Variants in MACROD2 observed in about 807,000 individuals in gnomAD.
The protein encoded by MACROD2 is ADP-ribose glycohydrolase MACROD2.
A neutral mutation model predicts 70.4 loss-of-function variants in MACROD2; 36 were observed. That is an observed-to-expected ratio of 0.51 (90% CI 0.39 to 0.68). The LOEUF (loss-of-function observed/expected upper bound fraction) is 0.68. Ranked by LOEUF, MACROD2 falls within the 30% of genes least tolerant of loss-of-function variation. The probability of loss-of-function intolerance (pLI) is 0.00; values close to 1 mark genes in which losing one functional copy is unlikely to be tolerated. For missense variants in MACROD2, 496 were observed against 538.4 expected, an observed-to-expected ratio of 0.92 and a Z score of 0.78; for synonymous variants, 172 against 178.8, an observed-to-expected ratio of 0.96 and a Z score of 0.30.
chr20:14,233,589 C>T lies in MACROD2; in HGVS notation c.271+147861C>T, dbSNP rs556761109. Among the ~76,000 whole-genome samples the T allele has an allele frequency of 7.4e-5, 11 of 149,138 alleles. No individual in the cohort carries two copies. In the South Asian group the frequency reaches 8.6e-4, roughly 12 times the overall value. ...GCGGGTGCCTGTAGTCCCAGCTACT[C>T]GGGAGGCTGAGGCAGGAGAATGGCC... is the stretch of plus-strand genomic sequence containing the variant. On this transcript the variant is annotated intron_variant, in intron 3 of 17. Coordinates refer to ENST00000684519, the MANE Select transcript of MACROD2 (RefSeq NM_001351661.2).
intron 3 of MACROD2, among the ~76,000 whole-genome samples, chr20:14,142,980 A>G (rs764709383): frequency 6.6e-6 from 1 of 152,200 alleles, no homozygotes; most frequent in Non-Finnish European, 1.5e-5. Flanking sequence ...CACACGAAAT[A>G]TAATAGGGCA....
intron 5 of MACROD2, among the ~76,000 whole-genome samples, chr20:14,973,070 C>T (rs1483655218): frequency 6.6e-6 from 1 of 152,004 alleles, no homozygotes; most frequent in African/African-American, 2.4e-5. Flanking sequence ...CCTCATTATA[C>T]AGTTGAAGAA....
chr20:15,589,430 C>T (rs1749141459), intron 8 of MACROD2, among the ~76,000 whole-genome samples: 1 of 152,212 alleles, frequency 6.6e-6, no homozygotes, highest in African/African-American at 2.4e-5. Flanking sequence ...AGAGAGTTCT[C>T]ATATACCCCC....
intron 5 of MACROD2, among the ~76,000 whole-genome samples, chr20:14,869,222 T>C (rs1420928597): frequency 6.6e-6 from 1 of 152,168 alleles, no homozygotes; most frequent in East Asian, 1.9e-4. Flanking sequence ...AAATATGTGC[T>C]AGAGTAGAAA....
intron 5 of MACROD2, among the ~76,000 whole-genome samples, chr20:15,056,909 T>C (rs1382873571): frequency 6.6e-6 from 1 of 152,154 alleles, no homozygotes; most frequent in Admixed American, 6.5e-5. Context: ...AAAAATAAGT[T>C]GTAACTTTGT....
chr20:15,387,247 A>G (rs1036412641), intron 6 of MACROD2, among the ~76,000 whole-genome samples: 1 of 152,124 alleles, frequency 6.6e-6, no homozygotes, highest in Admixed American at 6.6e-5. Flanking sequence ...AGCAGAACCT[A>G]AAGTCACTTG....
intron 6 of MACROD2, among the ~76,000 whole-genome samples, chr20:15,301,591 CTT>C (rs71340214): frequency 4.6e-4 from 37 of 81,244 alleles, no homozygotes; most frequent in South Asian, 2.0e-3. Context: ...GGTAGGTGGC[CTT>C]TTTTTTTTTT....
intron 6 of MACROD2, among the ~76,000 whole-genome samples, chr20:15,275,280 TAC>T (rs1231098203): frequency 1.3e-5 from 2 of 152,174 alleles, no homozygotes; most frequent in African/African-American, 4.8e-5. Context: ...CATTTTAACA[TAC>T]AGTCAAAGCT....
At chr20:15,628,148 G>C (rs1349365914) in intron 8 of MACROD2, among the ~76,000 whole-genome samples, 2 of 152,134 alleles carry the variant, frequency 1.3e-5, no homozygotes, top group African/African-American at 4.8e-5. Context: ...AGGGCTGATG[G>C]ATTAATGGGT....
intron 5 of MACROD2, among the ~76,000 whole-genome samples, chr20:15,115,369 A>G (rs1237059672): frequency 6.6e-6 from 1 of 152,118 alleles, no homozygotes; most frequent in Non-Finnish European, 1.5e-5. Context: ...AGCTGGGACA[A>G]CAGGTGTGCA....
chr20:14,835,010 A>ACATT lies in MACROD2; in HGVS notation c.418+150053_418+150054insTTCA, dbSNP rs574763113. On this transcript the variant is annotated intron_variant, in intron 5 of 17. Transcript: ENST00000684519. ...GTTTGAGTGAGTGAATGATTGAGAA[A>ACATT]CAGATAGATTCATCAAAGCTGACTC... Among the ~76,000 whole-genome samples, 22 of 152,128 alleles carry ACATT rather than the reference A, an allele frequency of 1.4e-4. No homozygotes were observed. The South Asian group carries it at 4.6e-3, about 32-fold the overall frequency.
chr20:14,341,363 C>T (rs1330329489), intron 3 of MACROD2, among the ~76,000 whole-genome samples: 3 of 152,186 alleles, frequency 2.0e-5, no homozygotes, highest in African/African-American at 4.8e-5. Flanking sequence ...TTTGGATGGG[C>T]GCAGTGGCTC....
At chr20:14,405,839 T>C (rs560168442) in intron 3 of MACROD2, among the ~76,000 whole-genome samples, 1 of 152,302 alleles carries the variant, frequency 6.6e-6, no homozygotes, top group Non-Finnish European at 1.5e-5. Context: ...AAAAAAGTAA[T>C]AATTGTGAAG....
At chr20:14,885,411 C>G (rs1772013503) in intron 5 of MACROD2, among the ~76,000 whole-genome samples, 1 of 152,158 alleles carries the variant, frequency 6.6e-6, no homozygotes, top group African/African-American at 2.4e-5. Context: ...TTCTGCTTCT[C>G]TTGAGTGCCA....
chr20:14,007,738 GTTA>G (rs1191598700), intron 2 of MACROD2, among the ~76,000 whole-genome samples: 2 of 152,152 alleles, frequency 1.3e-5, no homozygotes, highest in Non-Finnish European at 2.9e-5. Flanking sequence ...GAGAAGCAAT[GTTA>G]TTGTTACACT....
At chr20:15,083,347 T>C (rs986879563) in intron 5 of MACROD2, among the ~76,000 whole-genome samples, 8 of 152,156 alleles carry the variant, frequency 5.3e-5, no homozygotes, top group African/African-American at 1.9e-4. Context: ...TTTTCTTCTT[T>C]CACTAAAACC....
At chr20:15,278,495 T>C (rs2077413281) in intron 6 of MACROD2, among the ~76,000 whole-genome samples, 1 of 152,124 alleles carries the variant, frequency 6.6e-6, no homozygotes, top group South Asian at 2.1e-4. Flanking sequence ...TAGCCCTGAG[T>C]CGTTGGGAAG....
chr20:14,092,901 T>C (rs1184887896), intron 3 of MACROD2, among the ~76,000 whole-genome samples: 1 of 152,206 alleles, frequency 6.6e-6, no homozygotes, highest in Non-Finnish European at 1.5e-5. Flanking sequence ...TCTTCTGTGT[T>C]AAGCATTGAG....
chr20:15,157,281 CAG>C (rs1318932201), intron 5 of MACROD2, among the ~76,000 whole-genome samples: 1 of 151,466 alleles, frequency 6.6e-6, no homozygotes, highest in East Asian at 1.9e-4. Context: ...TGCATGCTCT[CAG>C]AGAGAAGGGC....
Sources: allele counts gnomAD v4.1 joint callset (sites outside exome capture counted in the v4.1 genomes callset), GRCh38; gene constraint gnomAD v4.1.1; transcripts MANE v1.5; gene names NCBI Gene and HGNC (gene_info 2026-07-23, HGNC 2026-07-21).